Variants in PLCE1 observed in about 807,000 individuals in gnomAD.
PLCE1 encodes the protein phospholipase C epsilon 1.
PLCE1 carries 119 observed loss-of-function variants against 242.8 expected under a neutral mutation model. The ratio of observed to expected loss-of-function variants is 0.49; its 90% CI spans 0.42 to 0.57. The LOEUF (loss-of-function observed/expected upper bound fraction) is 0.57, where lower values mean the gene tolerates loss of function less well. Among genes scored for constraint, PLCE1 ranks in the 20% least tolerant of loss-of-function variants. The pLI, the probability that PLCE1 is intolerant of heterozygous loss-of-function variation, is 0.00. For missense variants in PLCE1, 2,441 were observed against 2,788.8 expected (o/e 0.88, Z 2.81); for synonymous variants, 945 against 1,017.4 (o/e 0.93, Z 1.35).
At chr10:94,278,286 G>GA (rs1407628844) in intron 19 of PLCE1, among the ~76,000 whole-genome samples, 1 of 151,836 alleles carries the variant, frequency 6.6e-6, no homozygotes, top group Non-Finnish European at 1.5e-5. Flanking sequence ...AATATAAATG[G>GA]AAAAAAATTA....
Position 94,236,027 on chromosome 10 carries a change from G to A in PLCE1, c.2327G>A (p.Ser776Asn). The A allele has an allele frequency of 6.2e-7, 1 of 1,614,108 alleles. No homozygotes were observed. The highest frequency in any genetic ancestry group is 8.5e-7 in the Non-Finnish European group (1 of 1,179,982). The change falls in exon 7 of 33, where the codon AGC becomes AAC. Residue 776 changes from serine (S) to asparagine (N), a missense_variant. Coordinates refer to ENST00000371380, the MANE Select transcript of PLCE1 (RefSeq NM_016341.4). ...TVNSIFQVIR[S>N]CNRSLETDEE... ...AACAGCATCTTTCAGGTCATCCGGAGCTGCAATCGAAGTCTGGAGACAGAC... is the reference window on the plus strand; with the variant it reads ...AACAGCATCTTTCAGGTCATCCGGAACTGCAATCGAAGTCTGGAGACAGAC...
intron 2 of PLCE1, among the ~76,000 whole-genome samples, chr10:94,116,066 C>T (rs1489131027): frequency 6.6e-6 from 1 of 152,146 alleles, no homozygotes; most frequent in African/African-American, 2.4e-5. Context: ...AGGGCTTGCT[C>T]ATCTCTGACA....
intron 20 of PLCE1, among the ~76,000 whole-genome samples, chr10:94,281,701 C>A (rs1589468587): frequency 6.6e-6 from 1 of 152,184 alleles, no homozygotes. Context: ...CTACTTCCAG[C>A]ACTAAGATCT....
At chr10:94,101,097 ATTGT>A (rs1016776161) in intron 2 of PLCE1, among the ~76,000 whole-genome samples, 6 of 152,160 alleles carry the variant, frequency 3.9e-5, no homozygotes, top group Non-Finnish European at 8.8e-5. Flanking sequence ...AAATATGGTC[ATTGT>A]TTGTCAGAAG....
At chr10:94,002,274 C>A (rs1044535257) in intron 1 of PLCE1, among the ~76,000 whole-genome samples, 7 of 152,238 alleles carry the variant, frequency 4.6e-5, no homozygotes, top group Non-Finnish European at 4.4e-5. Flanking sequence ...TCTCCCATGA[C>A]ACTCTTGGAT....
intron 7 of PLCE1, among the ~76,000 whole-genome samples, chr10:94,243,034 G>C (rs1454591062): frequency 6.6e-6 from 1 of 152,116 alleles, no homozygotes; most frequent in African/African-American, 2.4e-5. Flanking sequence ...GAGTGAGTTG[G>C]GCATGGTGAC....
intron 5 of PLCE1, among the ~76,000 whole-genome samples, chr10:94,230,477 C>T (rs1471638552): frequency 6.6e-6 from 1 of 151,776 alleles, no homozygotes; most frequent in Non-Finnish European, 1.5e-5. Context: ...GGCACGCCAC[C>T]ATGCCCTGCT....
intron 14 of PLCE1, among the ~76,000 whole-genome samples, chr10:94,263,172 G>T (rs2051372794): frequency 6.6e-6 from 1 of 151,820 alleles, no homozygotes; most frequent in Non-Finnish European, 1.5e-5. Context: ...GCCCGACCTT[G>T]TTTTGTTTTG....
intron 19 of PLCE1, among the ~76,000 whole-genome samples, chr10:94,274,834 C>T (rs1369825629): frequency 6.6e-6 from 1 of 152,070 alleles, no homozygotes; most frequent in Non-Finnish European, 1.5e-5. Context: ...TTTCAGAGGC[C>T]ATGGCACCTA....
At chr10:94,081,545 A>G (rs918779675) in intron 2 of PLCE1, among the ~76,000 whole-genome samples, 2 of 152,222 alleles carry the variant, frequency 1.3e-5, no homozygotes, top group Non-Finnish European at 2.9e-5. Context: ...TATGCAGTTG[A>G]GTATATTTCT....
intron 2 of PLCE1, among the ~76,000 whole-genome samples, chr10:94,098,139 G>A (rs1010276696): frequency 6.6e-6 from 1 of 152,140 alleles, no homozygotes; most frequent in Non-Finnish European, 1.5e-5. Flanking sequence ...TTTTCATGTC[G>A]TCAAGGAGAC....
rs188249211 is a variant in PLCE1, at chr10:94,099,362, C to T, written c.1207-32812C>T. 1.2e-3 allele frequency among the ~76,000 whole-genome samples: 182 copies of T among 152,294 alleles called. 2 individuals are homozygous for T. The highest frequency in any genetic ancestry group is 4.1e-3 in the African/African-American group (169 of 41,552). On this transcript the variant is annotated intron_variant, in intron 2 of 32. Transcript: ENST00000371380. ...CCAGTCCTGTGCTCAGTACTTCATACACATTACCTCATTTTAGGCCTCTCA... is the reference window on the plus strand; with the variant it reads ...CCAGTCCTGTGCTCAGTACTTCATATACATTACCTCATTTTAGGCCTCTCA...
intron 3 of PLCE1, among the ~76,000 whole-genome samples, chr10:94,163,646 G>A (rs527887299): frequency 1.2e-4 from 18 of 152,138 alleles, no homozygotes; most frequent in Middle Eastern, 3.4e-3. Context: ...GGAGCATTTA[G>A]CCCATTTACA....
chr10:94,050,865 A>G (rs1344315444), intron 2 of PLCE1, among the ~76,000 whole-genome samples: 1 of 152,192 alleles, frequency 6.6e-6, no homozygotes, highest in Non-Finnish European at 1.5e-5. Context: ...GATTGGCATA[A>G]CCAACTTGCA....
rs1364928875 is a variant in PLCE1 at position 94,277,103 on chromosome 10, T to C, written c.4666-2679T>C. Among the ~76,000 whole-genome samples, 4 of 152,156 alleles carry C rather than the reference T, an allele frequency of 2.6e-5. No homozygotes were observed. In the East Asian group the frequency reaches 5.8e-4, roughly 22 times the overall value. ...AGAACTCACCCTCAGCAAGGATGGA[T>C]TGACTCAGAGCAGGATTTCTGAAGC... is the stretch of plus-strand genomic sequence containing the variant. On this transcript the variant is annotated intron_variant, in intron 19 of 32. Transcript: ENST00000371380.
intron 3 of PLCE1, among the ~76,000 whole-genome samples, chr10:94,147,752 A>G (rs1370224562): frequency 6.6e-6 from 1 of 152,248 alleles, no homozygotes; most frequent in Non-Finnish European, 1.5e-5. Flanking sequence ...CATAGCTCAC[A>G]GAAGTGTGAT....
intron 1 of PLCE1, among the ~76,000 whole-genome samples, chr10:94,021,231 GT>G (rs34518277): frequency 0.48 from 58,290 of 121,078 alleles, 12,596 homozygotes; most frequent in East Asian, 0.65. Context: ...CTTCTTAATG[GT>G]TTTTTTTTTT....
At chr10:94,071,495 G>GCTT (rs2044351689) in intron 2 of PLCE1, among the ~76,000 whole-genome samples, 1 of 83,316 alleles carries the variant, frequency 1.2e-5, no homozygotes, top group Admixed American at 1.5e-4. Context: ...TTTGGTTTTC[G>GCTT]TTTTTTTTTT....
intron 8 of PLCE1, among the ~76,000 whole-genome samples, chr10:94,248,143 C>G (rs1318107875): frequency 6.6e-6 from 1 of 151,754 alleles, no homozygotes; most frequent in African/African-American, 2.4e-5. Context: ...ACATGTAATG[C>G]CCCTTCTTTC....
Sources: gnomAD v4.1 joint callset for allele counts (sites outside exome capture counted in the v4.1 genomes callset) on GRCh38, gnomAD v4.1.1 for gene constraint, MANE v1.5 for transcripts, NCBI Gene and HGNC (gene_info 2026-07-23, HGNC 2026-07-21) for gene names.